TLCD4: variants seen among roughly 807,000 people sequenced by gnomAD.
The protein encoded by TLCD4 is TLC domain containing 4.
TLCD4 carries 7 observed loss-of-function variants against 24.2 expected under a neutral mutation model. The observed-to-expected ratio is 0.29, with a 90% CI of 0.16 to 0.54. TLCD4 has a LOEUF of 0.54. Ranked by LOEUF, TLCD4 falls within the 20% of genes least tolerant of loss-of-function variation. The pLI, the probability that TLCD4 is intolerant of heterozygous loss-of-function variation, is 0.95. For synonymous variants in TLCD4, 103 were observed against 106.4 expected (o/e 0.97, Z 0.20); for missense variants, 259 against 313.9 (o/e 0.82, Z 1.32).
intron 1 of TLCD4, among the ~76,000 whole-genome samples, chr1:95,141,236 G>A (rs1237474360): frequency 6.6e-6 from 1 of 152,148 alleles, no homozygotes; most frequent in African/African-American, 2.4e-5. Context: ...GCGAGGGTGG[G>A]ATGATACATT....
chr1:95,186,724 G>A (rs562946616), intron 6 of TLCD4, among the ~76,000 whole-genome samples: 39 of 152,282 alleles, frequency 2.6e-4, no homozygotes, highest in African/African-American at 9.1e-4. Flanking sequence ...GGATGTCATT[G>A]CTTTAGTGAT....
chr1:95,096,409 GT>G, the TLCD4 span, among the ~76,000 whole-genome samples: 2 of 152,174 alleles, frequency 1.3e-5, no homozygotes, highest in African/African-American at 4.8e-5. Flanking sequence ...TCTTTAAGAA[GT>G]TATTTGCTGA....
intron 5 of TLCD4, among the ~76,000 whole-genome samples, chr1:95,169,611 G>T (rs1196463898): frequency 2.0e-5 from 3 of 148,790 alleles, no homozygotes; most frequent in Non-Finnish European, 4.4e-5. Context: ...CTCAAAAAAG[G>T]TCTTAAATAT....
intron 1 of TLCD4, among the ~76,000 whole-genome samples, chr1:95,129,347 G>T (rs770139355): frequency 1.8e-4 from 27 of 152,072 alleles, no homozygotes; most frequent in Non-Finnish European, 3.7e-4. Context: ...CTTTTTCAAA[G>T]TTCAGTATTT....
At chr1:95,126,456 A>T (rs1676739243) in intron 1 of TLCD4, among the ~76,000 whole-genome samples, 1 of 150,782 alleles carries the variant, frequency 6.6e-6, no homozygotes, top group Admixed American at 6.6e-5. Context: ...AAGGCTGGTA[A>T]TATCAAGAAC....
chr1:95,114,630 G>C (rs1338917015), upstream of TLCD4, among the ~76,000 whole-genome samples: 2 of 152,028 alleles, frequency 1.3e-5, no homozygotes, highest in Non-Finnish European at 2.9e-5. Context: ...AGCAGTTCGG[G>C]ACCGGCCTAG....
the TLCD4 span, among the ~76,000 whole-genome samples, chr1:95,109,376 G>C: frequency 7.2e-6 from 1 of 138,322 alleles, no homozygotes; most frequent in Non-Finnish European, 1.6e-5. Context: ...AAAACTTAGA[G>C]AGCATTTACA....
At chr1:95,123,034 C>T (rs1264189682) in intron 1 of TLCD4, among the ~76,000 whole-genome samples, 1 of 151,838 alleles carries the variant, frequency 6.6e-6, no homozygotes, top group Non-Finnish European at 1.5e-5. Flanking sequence ...GTCTTGAACT[C>T]CTGGGCTCAA....
the TLCD4 span, among the ~76,000 whole-genome samples, chr1:95,104,821 A>G: frequency 2.0e-5 from 3 of 151,926 alleles, no homozygotes; most frequent in Non-Finnish European, 2.9e-5. Context: ...TGAGCTCAGA[A>G]GTTCAAGACC....
At chr1:95,125,869 A>G (rs552082489) in intron 1 of TLCD4, among the ~76,000 whole-genome samples, 1 of 152,288 alleles carries the variant, frequency 6.6e-6, no homozygotes, top group South Asian at 2.1e-4. Context: ...AAGGGCTGGT[A>G]TTCCGGCCAT....
At chr1:95,106,553 C>T in the TLCD4 span, among the ~76,000 whole-genome samples, 1 of 151,878 alleles carries the variant, frequency 6.6e-6, no homozygotes, top group African/African-American at 2.4e-5. Flanking sequence ...ATTGGCTGGG[C>T]GTAGTAGTGC....
chr1:95,116,429 T>C (rs981654712), upstream of TLCD4, among the ~76,000 whole-genome samples: 1 of 152,208 alleles, frequency 6.6e-6, no homozygotes. Flanking sequence ...CGCATGTATA[T>C]AGTAGATCAA....
chr1:95,120,670 A>G (rs1274696077), intron 1 of TLCD4, among the ~76,000 whole-genome samples: 1 of 152,164 alleles, frequency 6.6e-6, no homozygotes, highest in Admixed American at 6.5e-5. Context: ...GACCAATATC[A>G]TGGGTGGAGT....
intron 2 of TLCD4, among the ~76,000 whole-genome samples, chr1:95,144,324 C>G (rs1265731868): frequency 1.3e-5 from 2 of 152,114 alleles, no homozygotes; most frequent in Non-Finnish European, 2.9e-5. Context: ...TGGATGAATA[C>G]TAGTACTTTC....
chr1:95,132,317 C>T (rs910791033), intron 1 of TLCD4, among the ~76,000 whole-genome samples: 2 of 151,882 alleles, frequency 1.3e-5, no homozygotes, highest in Non-Finnish European at 2.9e-5. Flanking sequence ...ATTAGCCAGG[C>T]GTGGTGGCAC....
At chr1:95,187,873 C>T (rs562324574) in intron 6 of TLCD4, among the ~76,000 whole-genome samples, 10 of 151,892 alleles carry the variant, frequency 6.6e-5, no homozygotes, top group Admixed American at 1.3e-4. Flanking sequence ...CTTGGTGAGG[C>T]GCCTCTCCTC....
At chr1:95,108,130 T>C in the TLCD4 span, among the ~76,000 whole-genome samples, 2 of 152,160 alleles carry the variant, frequency 1.3e-5, no homozygotes, top group African/African-American at 4.8e-5. Context: ...TTTTCTTCTT[T>C]GATATATAAG....
chr1:95,138,896 T>C (rs1677118914), intron 1 of TLCD4, among the ~76,000 whole-genome samples: 1 of 151,536 alleles, frequency 6.6e-6, no homozygotes, highest in Non-Finnish European at 1.5e-5. Context: ...GTATAAAAGA[T>C]TAAAAATTGG....
chr1:95,170,982 C>G (rs573789203), intron 5 of TLCD4, among the ~76,000 whole-genome samples: 1 of 152,096 alleles, frequency 6.6e-6, no homozygotes, highest in Non-Finnish European at 1.5e-5. Context: ...CAATTTGTTC[C>G]TTATTATCTT....
Sources: gnomAD v4.1 joint callset for allele counts (sites outside exome capture counted in the v4.1 genomes callset) on GRCh38, gnomAD v4.1.1 for gene constraint, MANE v1.5 for transcripts, NCBI Gene and HGNC (gene_info 2026-07-23, HGNC 2026-07-21) for gene names.